The following CTNNA3 variants were observed in gnomAD, a reference collection of about 807,000 sequenced individuals.
The protein encoded by CTNNA3 is catenin alpha 3, also known as catenin alpha-3.
In CTNNA3, 76 loss-of-function variants were observed where a neutral mutation model predicts 95.7. That is an observed-to-expected ratio of 0.79 (90% CI 0.66 to 0.96). The LOEUF (loss-of-function observed/expected upper bound fraction) is 0.96. Ranked by LOEUF, CTNNA3 falls within the 40% of genes least tolerant of loss-of-function variation. The pLI is 0.00. For missense variants in CTNNA3, 1,191 were observed against 1,089.8 expected, an observed-to-expected ratio of 1.09 and a Z score of -1.31; for synonymous variants, 431 against 374.4, an observed-to-expected ratio of 1.15 and a Z score of -1.74.
intron 9 of CTNNA3, among the ~76,000 whole-genome samples, chr10:66,697,669 C>A (rs1422962686): frequency 1.3e-5 from 2 of 152,044 alleles, no homozygotes; most frequent in East Asian, 3.9e-4. Context: ...CTATGAATTT[C>A]AAAATGGGTA....
At chr10:65,944,026 T>C (rs1480825742) in intron 17 of CTNNA3, among the ~76,000 whole-genome samples, 1 of 152,266 alleles carries the variant, frequency 6.6e-6, no homozygotes, top group African/African-American at 2.4e-5. Flanking sequence ...TTTTTATATG[T>C]AGGCAAATAC....
At chr10:66,087,374 G>A (rs979398634) in intron 14 of CTNNA3, among the ~76,000 whole-genome samples, 1 of 151,976 alleles carries the variant, frequency 6.6e-6, no homozygotes, top group Non-Finnish European at 1.5e-5. Flanking sequence ...CTCTTATCGC[G>A]AGACAACAAA....
intron 16 of CTNNA3, among the ~76,000 whole-genome samples, chr10:65,985,214 C>A (rs755314634): frequency 4.6e-5 from 7 of 150,862 alleles, no homozygotes; most frequent in Non-Finnish European, 8.9e-5. Flanking sequence ...GCCCAAAAAC[C>A]TTTCCCTAAT....
Position 66,320,303 on chromosome 10 carries a change from C to T in CTNNA3, c.1733-39682G>A, listed in dbSNP as rs557546788. On this transcript the variant is annotated intron_variant, in intron 12 of 17. Coordinates refer to ENST00000433211, the MANE Select transcript of CTNNA3 (RefSeq NM_013266.4). ...TTGATTTACCCTACACATTTATGCA[C>T]TTCTTTTTCTTGCCTACTTGGTTCT... Among the ~76,000 whole-genome samples the T allele has an allele frequency of 9.3e-4, 142 of 152,172 alleles. 1 individual carries two copies. The highest frequency in any genetic ancestry group is 2.2e-3 in the Admixed American group (34 of 15,284).
At chr10:66,531,981 G>C (rs1260731855) in intron 10 of CTNNA3, among the ~76,000 whole-genome samples, 2 of 152,070 alleles carry the variant, frequency 1.3e-5, no homozygotes, top group East Asian at 3.8e-4. Context: ...AGTTCAAATG[G>C]AGAAATTTAA....
intron 1 of CTNNA3, among the ~76,000 whole-genome samples, chr10:67,757,368 CTTGA>C (rs1841438688): frequency 6.6e-6 from 1 of 152,154 alleles, no homozygotes; most frequent in Non-Finnish European, 1.5e-5. Context: ...TGAGTATCAA[CTTGA>C]TTGGATTGAA....
intron 7 of CTNNA3, among the ~76,000 whole-genome samples, chr10:66,931,920 G>GC (rs1457420022): frequency 6.6e-6 from 1 of 152,142 alleles, no homozygotes; most frequent in East Asian, 1.9e-4. Flanking sequence ...TTTTTCATCA[G>GC]CAAGATACAT....
intron 7 of CTNNA3, among the ~76,000 whole-genome samples, chr10:66,988,718 C>G (rs1275297482): frequency 2.0e-5 from 3 of 152,086 alleles, no homozygotes; most frequent in African/African-American, 4.8e-5. Flanking sequence ...CCTCTGAATA[C>G]TAGGAACTAA....
intron 9 of CTNNA3, among the ~76,000 whole-genome samples, chr10:66,713,968 T>C (rs529586358): frequency 3.0e-4 from 46 of 152,176 alleles, no homozygotes; most frequent in Admixed American, 2.9e-3. Flanking sequence ...TTTTAAAGTA[T>C]AAGGACATAC....
chr10:66,165,218 G>A (rs1414907789), intron 13 of CTNNA3, among the ~76,000 whole-genome samples: 1 of 152,040 alleles, frequency 6.6e-6, no homozygotes, highest in Non-Finnish European at 1.5e-5. Context: ...TAAATAATAG[G>A]TTTCATACAG....
intron 5 of CTNNA3, among the ~76,000 whole-genome samples, chr10:67,283,274 G>A (rs190820236): frequency 3.9e-5 from 6 of 152,124 alleles, no homozygotes; most frequent in East Asian, 1.9e-4. Context: ...ATAATTGGTC[G>A]CAGCCAGTGC....
chr10:66,360,674 C>CCTTCCTTTTCTTTCTTT (rs2092654357), intron 12 of CTNNA3, among the ~76,000 whole-genome samples: 1 of 75,750 alleles, frequency 1.3e-5, no homozygotes, highest in African/African-American at 4.1e-5. Context: ...TTCCTTCCTT[C>CCTTCCTTTTCTTTCTTT]CTTCCTTCCT....
intron 1 of CTNNA3, among the ~76,000 whole-genome samples, chr10:67,726,485 A>G (rs1427686137): frequency 1.5e-5 from 1 of 66,100 alleles, no homozygotes; most frequent in Non-Finnish European, 2.5e-5. Context: ...TATATATTAT[A>G]TCATATACAA....
chr10:66,886,530 AG>A (rs1845051499), intron 7 of CTNNA3, among the ~76,000 whole-genome samples: 1 of 152,142 alleles, frequency 6.6e-6, no homozygotes, highest in Non-Finnish European at 1.5e-5. Context: ...GGACTCATAA[AG>A]TTCTGCTTTT....
chr10:66,325,949 G>T (rs1168717628), intron 12 of CTNNA3, among the ~76,000 whole-genome samples: 1 of 152,084 alleles, frequency 6.6e-6, no homozygotes, highest in African/African-American at 2.4e-5. Flanking sequence ...ACTTAACCAT[G>T]CATGAAAAGA....
At chr10:66,382,577 T>C (rs1412926021) in intron 11 of CTNNA3, among the ~76,000 whole-genome samples, 1 of 152,074 alleles carries the variant, frequency 6.6e-6, no homozygotes, top group Non-Finnish European at 1.5e-5. Context: ...AGAGCAGTGG[T>C]TCTCGTTCTC....
At chr10:66,374,573 C>A (rs28429824) in intron 12 of CTNNA3, among the ~76,000 whole-genome samples, 11,188 of 146,744 alleles carry the variant, frequency 0.076, 525 homozygotes, top group East Asian at 0.21. Flanking sequence ...GTCTTTTTCT[C>A]CTGTAGCTCA....
At chr10:67,609,409 T>C (rs979731869) in intron 2 of CTNNA3, among the ~76,000 whole-genome samples, 1 of 152,178 alleles carries the variant, frequency 6.6e-6, no homozygotes, top group Non-Finnish European at 1.5e-5. Context: ...CATTCGATGT[T>C]TGTTTACTTG....
intron 4 of CTNNA3, among the ~76,000 whole-genome samples, chr10:67,523,702 T>G (rs750115986): frequency 6.6e-6 from 1 of 152,132 alleles, no homozygotes; most frequent in Non-Finnish European, 1.5e-5. Flanking sequence ...TGGAAACCAA[T>G]TCTACCCAAC....
Sources: allele counts gnomAD v4.1 joint callset (sites outside exome capture counted in the v4.1 genomes callset), GRCh38; gene constraint gnomAD v4.1.1; transcripts MANE v1.5; gene names NCBI Gene and HGNC (gene_info 2026-07-23, HGNC 2026-07-21).